PCDHGA6: variants seen among roughly 807,000 people sequenced by gnomAD.
PCDHGA6 encodes the protein protocadherin gamma subfamily A, 6, also known as protocadherin gamma-A6.
Under a neutral mutation model 60.6 loss-of-function variants are expected in PCDHGA6, and 41 were observed. The observed-to-expected ratio is 0.68, with a 90% CI of 0.53 to 0.88. The LOEUF (loss-of-function observed/expected upper bound fraction) is 0.88, where lower values mean the gene tolerates loss of function less well. Ranked by LOEUF, PCDHGA6 falls within the 40% of genes least tolerant of loss-of-function variation. The pLI is 0.00. For synonymous variants in PCDHGA6, 594 were observed against 524.4 expected, an observed-to-expected ratio of 1.13 and a Z score of -1.81; for missense variants, 1,312 against 1,203.0, an observed-to-expected ratio of 1.09 and a Z score of -1.34.
intron 1 of PCDHGA6, among the ~76,000 whole-genome samples, chr5:141,460,104 T>C (rs2098982178): frequency 6.6e-6 from 1 of 151,986 alleles, no homozygotes; most frequent in African/African-American, 2.4e-5. Flanking sequence ...CATGTAATTA[T>C]ATATGATTTT....
At chr5:141,413,462 G>A (rs750915907) in intron 1 of PCDHGA6, 4 of 1,614,120 alleles carry the variant, frequency 2.5e-6, no homozygotes, top group East Asian at 2.2e-5. Flanking sequence ...AGGATAGACC[G>A]GGAGGAGCTC....
Position 141,486,639 on chromosome 5 carries a change from T to G in PCDHGA6, c.2425-8168T>G, listed in dbSNP as rs1250700423. ...GACCCAGACTCTGGCTTGAATGCGC[T>G]TATCTCCTACTCACTCCTGGAGCCC... On this transcript the variant is annotated intron_variant, in intron 1 of 3. Transcript: ENST00000517434. The surrounding 1 kb of genome is among the most constrained non-coding windows in gnomAD (Gnocchi z 5.0). The G allele has an allele frequency of 6.2e-7, 1 of 1,613,818 alleles. No individual in the cohort carries two copies. The highest frequency in any genetic ancestry group is 1.1e-5 in the South Asian group (1 of 91,084).
At chr5:141,421,017 T>TGC (rs1489188484) in intron 1 of PCDHGA6, 1 of 518,776 alleles carries the variant, frequency 1.9e-6, no homozygotes, top group African/African-American at 2.0e-5. Flanking sequence ...AATGGGAAGC[T>TGC]GCGCGCCATT....
chr5:141,389,644 C>T (rs2091854728), intron 1 of PCDHGA6: 1 of 1,612,926 alleles, frequency 6.2e-7, no homozygotes, highest in Admixed American at 1.7e-5. Context: ...TACTTGGTGA[C>T]CAAGGTAGTG....
chr5:141,398,668 A>G, intron 1 of PCDHGA6: 1 of 1,614,026 alleles, frequency 6.2e-7, no homozygotes, highest in Non-Finnish European at 8.5e-7. Context: ...TTTCTCATTA[A>G]TAATTAAGGA....
intron 1 of PCDHGA6, chr5:141,423,253 C>T (rs750278899): frequency 6.2e-7 from 1 of 1,613,916 alleles, no homozygotes; most frequent in Non-Finnish European, 8.5e-7. Flanking sequence ...CCTGGCGGAC[C>T]TCGGCAGCCT....
In PCDHGA6 at chr5:141,485,569, T is replaced by C; in HGVS notation, c.2425-9238T>C. The C allele has an allele frequency of 6.2e-7, 1 of 1,612,664 alleles. No individual in the cohort carries two copies. Among genetic ancestry groups the C allele is most frequent in the Non-Finnish European group, 8.5e-7 (1 of 1,178,890 alleles). ...TAGATGTGAATGATCACGCCCCCCG[T>C]TTTCCGCGGCAGCAGCTGGACTTGG... On this transcript the variant is annotated intron_variant, in intron 1 of 3. Coordinates refer to ENST00000517434, the MANE Select transcript of PCDHGA6 (RefSeq NM_018919.3). This position sits in a 1 kb window ranked among gnomAD's most constrained non-coding sequence, Gnocchi z 5.7.
At position 141,381,826 on chromosome 5, in the gene PCDHGA6, CTTT is replaced by C. The variant is rs770630741; in HGVS notation, c.2424+5339_2424+5341del. Among the ~76,000 whole-genome samples the C allele has an allele frequency of 8.4e-3, 625 of 74,256 alleles. 6 individuals are homozygous for C. Among genetic ancestry groups the C allele is most frequent in the African/African-American group, 0.035 (569 of 16,164 alleles). 48.7% of individuals were successfully genotyped at this position (74,256 alleles called of 152,430 possible). On this transcript the variant is annotated intron_variant, in intron 1 of 3. Transcript: ENST00000517434. ...TTTCTTTCTTTCTTTCTTTCTTCTT[CTTT>C]TTTTTTTTTTTTTTTTTTTGGCAGA...
At chr5:141,393,248 C>T (rs1242966092) in intron 1 of PCDHGA6, 2 of 1,613,798 alleles carry the variant, frequency 1.2e-6, no homozygotes, top group Middle Eastern at 1.7e-4. Context: ...TTAACGAAAT[C>T]GCGGTTCCTG....
chr5:141,389,553 G>T, intron 1 of PCDHGA6: 1 of 1,613,234 alleles, frequency 6.2e-7, no homozygotes. Context: ...CAACGACAAT[G>T]CGCCACGGGT....
intron 1 of PCDHGA6, among the ~76,000 whole-genome samples, chr5:141,466,570 T>C (rs967163331): frequency 6.6e-6 from 1 of 152,202 alleles, no homozygotes; most frequent in East Asian, 1.9e-4. Flanking sequence ...TCTTCAACAT[T>C]GTCTCATCCC....
At chr5:141,430,815 T>A in intron 1 of PCDHGA6, 1 of 1,535,252 alleles carries the variant, frequency 6.5e-7, no homozygotes, top group Non-Finnish European at 8.7e-7. Flanking sequence ...CTGGGAATCC[T>A]CCTGGGGACT....
At chr5:141,508,162 G>A (rs377676571) in intron 3 of PCDHGA6, 4 of 152,502 alleles carry the variant, frequency 2.6e-5, no homozygotes, top group African/African-American at 9.7e-5. Context: ...CCTGAGTAGA[G>A]GCTGGCACAG....
At chr5:141,422,446 A>G in intron 1 of PCDHGA6, 1 of 1,610,700 alleles carries the variant, frequency 6.2e-7, no homozygotes, top group South Asian at 1.1e-5. Context: ...CAAATTGATA[A>G]CAAGCAGAGT....
intron 1 of PCDHGA6, chr5:141,423,623 C>T (rs1391650851): frequency 6.2e-7 from 1 of 1,607,330 alleles, no homozygotes; most frequent in South Asian, 1.1e-5. Context: ...GAAGACTCAG[C>T]TATCATTTTA....
At chr5:141,389,927 C>A (rs2091975121) in intron 1 of PCDHGA6, 2 of 1,613,944 alleles carry the variant, frequency 1.2e-6, no homozygotes, top group African/African-American at 2.7e-5. Flanking sequence ...ACCCCTCTGA[C>A]CTCCAGGCTG....
At position 141,491,651 on chromosome 5, in the gene PCDHGA6, A is replaced by G. The variant is rs1379494110; in HGVS notation, c.2425-3156A>G. 1.9e-6 allele frequency: 3 copies of G among 1,613,796 alleles called. 1 individual carries two copies. ...CAGCAGCCCACAGCTCTGGCGCTGGAGCCTGACGCCATCCGGTCCCGCTCT... is the reference window on the plus strand; with the variant it reads ...CAGCAGCCCACAGCTCTGGCGCTGGGGCCTGACGCCATCCGGTCCCGCTCT... On this transcript the variant is annotated intron_variant, in intron 1 of 3. Coordinates refer to ENST00000517434, the MANE Select transcript of PCDHGA6 (RefSeq NM_018919.3). The surrounding 1 kb of genome is among the most constrained non-coding windows in gnomAD (Gnocchi z 6.9).
intron 1 of PCDHGA6, chr5:141,382,889 G>A: frequency 2.0e-5 from 30 of 1,532,432 alleles, no homozygotes; most frequent in Non-Finnish European, 2.5e-5. Context: ...AGCAAGAGAA[G>A]CAGGACGACT....
At position 141,489,298 on chromosome 5, in the gene PCDHGA6, T is replaced by C; in HGVS notation, c.2425-5509T>C. On this transcript the variant is annotated intron_variant, in intron 1 of 3. Transcript: ENST00000517434. This position sits in a 1 kb window ranked among gnomAD's most constrained non-coding sequence, Gnocchi z 4.5. ...GAAATGGCAAGTGCTGTGCATGTTG[T>C]CCTTGTGCTGCTGGGGCTGGGTGTC... The C allele has an allele frequency of 6.3e-7, 1 of 1,584,418 alleles. No individual in the cohort carries two copies. The highest frequency in any genetic ancestry group is 8.6e-7 in the Non-Finnish European group (1 of 1,165,192).
Sources: allele counts gnomAD v4.1 joint callset (sites outside exome capture counted in the v4.1 genomes callset), GRCh38; gene constraint gnomAD v4.1.1; non-coding constraint Gnocchi (gnomAD v3.1); transcripts MANE v1.5; gene names NCBI Gene and HGNC (gene_info 2026-07-23, HGNC 2026-07-21).